The following FBXO42 variants were observed in gnomAD, a reference collection of about 807,000 sequenced individuals.
FBXO42 encodes F-box only protein 42.
A neutral mutation model predicts 71.7 loss-of-function variants in FBXO42; 12 were observed. The observed-to-expected ratio is 0.17, with a 90% CI of 0.11 to 0.27. The LOEUF (loss-of-function observed/expected upper bound fraction) is 0.27, where lower values mean the gene tolerates loss of function less well. FBXO42 is among the 10% of genes least tolerant of loss of function. The pLI, the probability that FBXO42 is intolerant of heterozygous loss-of-function variation, is 1.00. For missense variants in FBXO42, 707 were observed against 911.9 expected (o/e 0.78, Z 2.89); for synonymous variants, 325 against 327.5 (o/e 0.99, Z 0.08).
intron 4 of FBXO42, among the ~76,000 whole-genome samples, chr1:16,289,436 G>A (rs1407823552): frequency 2.0e-5 from 3 of 150,906 alleles, no homozygotes; most frequent in Admixed American, 1.3e-4. Flanking sequence ...TAATCCAGAT[G>A]ATGACATTCC....
At chr1:16,321,028 T>A (rs1159775787) in intron 1 of FBXO42, among the ~76,000 whole-genome samples, 1 of 152,186 alleles carries the variant, frequency 6.6e-6, no homozygotes, top group Non-Finnish European at 1.5e-5. Context: ...ACATTACTAT[T>A]TTTCCCAATC....
chr1:16,319,326 C>T (rs1190782261), intron 1 of FBXO42, among the ~76,000 whole-genome samples: 1 of 152,186 alleles, frequency 6.6e-6, no homozygotes, highest in Non-Finnish European at 1.5e-5. Context: ...TCTTTTAAAA[C>T]TGGAAGAATC....
chr1:16,299,274 G>A (rs2082164072), intron 3 of FBXO42, among the ~76,000 whole-genome samples: 1 of 152,046 alleles, frequency 6.6e-6, no homozygotes, highest in East Asian at 1.9e-4. Context: ...GCCTCCCAAA[G>A]TGCTGGGATT....
In FBXO42 at chr1:16,279,854, C is replaced by CTTTTTTTTTTTTT. The variant is rs1553151074; in HGVS notation, c.502+14928_502+14929insAAAAAAAAAAAAA. Among the ~76,000 whole-genome samples the CTTTTTTTTTTTTT allele has an allele frequency of 7.2e-4, 99 of 138,180 alleles. 2 individuals are homozygous for CTTTTTTTTTTTTT. The highest frequency in any genetic ancestry group is 2.6e-3 in the African/African-American group (94 of 36,546). The allele number at this position is 138,180 out of a possible 152,430, so 90.7% of individuals were successfully genotyped here. A position where few individuals can be genotyped will look rare whatever the true frequency, so the allele number is the denominator to read the frequency against. ...TCATGTTGACAATGGTTTTTTTTTTCTTTTTTTTTTGAGACAGAGTCTTGC... is the reference window on the plus strand; with the variant it reads ...TCATGTTGACAATGGTTTTTTTTTTCTTTTTTTTTTTTTTTTTTTTTTTGAGACAGAGTCTTGC... On this transcript the variant is annotated intron_variant, in intron 4 of 9. Coordinates refer to ENST00000375592, the MANE Select transcript of FBXO42 (RefSeq NM_018994.3).
chr1:16,270,773 C>A (rs901713449), intron 4 of FBXO42, among the ~76,000 whole-genome samples: 3 of 148,388 alleles, frequency 2.0e-5, no homozygotes, highest in East Asian at 4.0e-4. Flanking sequence ...CACACACACA[C>A]ACACACACAC....
At chr1:16,303,565 A>G (rs2082218629) in intron 3 of FBXO42, among the ~76,000 whole-genome samples, 1 of 150,196 alleles carries the variant, frequency 6.7e-6, no homozygotes, top group Non-Finnish European at 1.5e-5. Flanking sequence ...AGGCAAGAAG[A>G]TAATTTTTTT....
chr1:16,283,498 T>TTTTTTTTTG lies in FBXO42; in HGVS notation c.502+11284_502+11285insCAAAAAAAA, dbSNP rs1557583649. ...AGACTCTTCTAACTGTGGCAAGTTTTTTTTTTTTTTTTTTTTTTTGAGACA... is the reference window on the plus strand; with the variant it reads ...AGACTCTTCTAACTGTGGCAAGTTTTTTTTTTTTGTTTTTTTTTTTTTTTTTTTGAGACA... On this transcript the variant is annotated intron_variant, in intron 4 of 9. Transcript: ENST00000375592. Among the ~76,000 whole-genome samples the TTTTTTTTTG allele has an allele frequency of 2.2e-5, 3 of 134,480 alleles. 1 individual carries two copies. The highest frequency in any genetic ancestry group is 4.8e-5 in the Non-Finnish European group (3 of 62,638). The allele number at this position is 134,480 out of a possible 152,430, so 88.2% of individuals were successfully genotyped here.
chr1:16,250,491 T>A lies in FBXO42; in HGVS notation c.*179A>T, dbSNP rs1044533271. 5.3e-6 allele frequency: 1 copy of A among 187,780 alleles called. No homozygotes were observed. Among genetic ancestry groups the A allele is most frequent in the Non-Finnish European group, 1.1e-5 (1 of 92,344 alleles). The allele number at this position is 187,780 out of a possible 1,614,324, so 11.6% of individuals were successfully genotyped here. On this transcript the variant is annotated 3_prime_UTR_variant, in exon 10 of 10. Coordinates refer to ENST00000375592, the MANE Select transcript of FBXO42 (RefSeq NM_018994.3). The surrounding 1 kb of genome is among the most constrained non-coding windows in gnomAD (Gnocchi z 4.7). The stretch of plus-strand genomic sequence containing the variant: ...GGCTATATAATATATATATATATAT[T>A]TATATATAATTTTTTTTCTTAATGG...
At chr1:16,276,956 C>T (rs1557580215) in intron 4 of FBXO42, among the ~76,000 whole-genome samples, 1 of 152,168 alleles carries the variant, frequency 6.6e-6, no homozygotes, top group Non-Finnish European at 1.5e-5. Context: ...AGAAAAGTCT[C>T]ATGAGTTTGA....
chr1:16,249,889 AAT>A lies in FBXO42; in HGVS notation c.*779_*780del, dbSNP rs2081573807. ...TTCTAAGGGAAGAAAGAGGAGAATA[AAT>A]ATGTTTTTTGGCAACTTGCCACCAA... is the stretch of plus-strand genomic sequence containing the variant. On this transcript the variant is annotated 3_prime_UTR_variant, in exon 10 of 10. Transcript: ENST00000375592. The A allele has an allele frequency of 6.6e-6, 1 of 152,256 alleles. No homozygotes were observed. The highest frequency in any genetic ancestry group is 6.5e-5 in the Admixed American group (1 of 15,284). 9.4% of individuals were successfully genotyped at this position (152,256 alleles called of 1,614,324 possible). A position where few individuals can be genotyped will look rare whatever the true frequency, so the allele number is the denominator to read the frequency against.
At chr1:16,332,919 G>C (rs562415526) in intron 1 of FBXO42, among the ~76,000 whole-genome samples, 1 of 152,136 alleles carries the variant, frequency 6.6e-6, no homozygotes, top group African/African-American at 2.4e-5. Context: ...ATTTAACAAT[G>C]AGAAGAGTAG....
At chr1:16,341,372 C>G (rs893986352) in intron 1 of FBXO42, among the ~76,000 whole-genome samples, 1 of 152,022 alleles carries the variant, frequency 6.6e-6, no homozygotes, top group Non-Finnish European at 1.5e-5. Flanking sequence ...GAGGCCGAGG[C>G]GGGCAGATCA....
At chr1:16,337,117 T>A (rs1255323921) in intron 1 of FBXO42, among the ~76,000 whole-genome samples, 1 of 152,150 alleles carries the variant, frequency 6.6e-6, no homozygotes. Flanking sequence ...AACAACCAAA[T>A]CATTAGGTAC....
intron 1 of FBXO42, among the ~76,000 whole-genome samples, chr1:16,326,014 TTGTGTGTGTGTGTGTGTGTGTG>T (rs34752325): frequency 7.3e-6 from 1 of 137,420 alleles, no homozygotes; most frequent in African/African-American, 2.6e-5. Context: ...GTGCCCAAAT[TTGTGTGTGTGTGTGTGTGTGTG>T]TGTGTGTGTG....
intron 4 of FBXO42, among the ~76,000 whole-genome samples, chr1:16,288,470 T>TA (rs1557586049): frequency 6.6e-6 from 1 of 150,678 alleles, no homozygotes; most frequent in African/African-American, 2.4e-5. Flanking sequence ...ATAATAATAA[T>TA]AAACAAATGT....
At chr1:16,255,206 T>A (rs1380420437) in intron 6 of FBXO42, among the ~76,000 whole-genome samples, 1 of 152,330 alleles carries the variant, frequency 6.6e-6, no homozygotes, top group Non-Finnish European at 1.5e-5. Flanking sequence ...AGATTCTATA[T>A]AACTATGATT....
intron 2 of FBXO42, among the ~76,000 whole-genome samples, chr1:16,310,318 G>A (rs1269607464): frequency 2.0e-5 from 3 of 151,468 alleles, no homozygotes; most frequent in South Asian, 2.1e-4. Flanking sequence ...CTGAGACTGC[G>A]CCACTGAACT....
chr1:16,270,472 T>C (rs759812765), intron 4 of FBXO42, among the ~76,000 whole-genome samples: 3 of 151,934 alleles, frequency 2.0e-5, no homozygotes, highest in Non-Finnish European at 4.4e-5. Context: ...CAAGGGAAGA[T>C]TGGGGATGAA....
At chr1:16,304,325 G>A (rs570775053) in intron 3 of FBXO42, among the ~76,000 whole-genome samples, 9 of 151,210 alleles carry the variant, frequency 6.0e-5, no homozygotes, top group African/African-American at 1.9e-4. Flanking sequence ...CACCATGTTG[G>A]CCAGGCTGGT....
Sources: gnomAD v4.1 joint callset for allele counts (sites outside exome capture counted in the v4.1 genomes callset) on GRCh38, gnomAD v4.1.1 for gene constraint, Gnocchi (gnomAD v3.1) non-coding constraint, MANE v1.5 for transcripts, NCBI Gene and HGNC (gene_info 2026-07-23, HGNC 2026-07-21) for gene names.